Variants in NECTIN3 observed in about 807,000 individuals in gnomAD.
The protein encoded by NECTIN3 is nectin cell adhesion molecule 3.
NECTIN3 carries 8 observed loss-of-function variants against 49.4 expected under a neutral mutation model. The observed-to-expected ratio is 0.16, with a 90% CI of 0.10 to 0.29. The LOEUF (loss-of-function observed/expected upper bound fraction) is 0.29, where lower values mean the gene tolerates loss of function less well. Among genes scored for constraint, NECTIN3 ranks in the 10% least tolerant of loss-of-function variants. The pLI is 1.00. For missense variants in NECTIN3, 581 were observed against 654.6 expected, an observed-to-expected ratio of 0.89 and a Z score of 1.23; for synonymous variants, 277 against 241.1, an observed-to-expected ratio of 1.15 and a Z score of -1.38.
chr3:111,094,983 T>G (rs559786224), intron 1 of NECTIN3, among the ~76,000 whole-genome samples: 6 of 152,310 alleles, frequency 3.9e-5, no homozygotes, highest in Admixed American at 1.3e-4. Flanking sequence ...CAGTTATGAT[T>G]GCTATGTTAA....
intron 1 of NECTIN3, among the ~76,000 whole-genome samples, chr3:111,093,342 C>G (rs2107398186): frequency 6.6e-6 from 1 of 151,926 alleles, no homozygotes; most frequent in African/African-American, 2.4e-5. Flanking sequence ...GTGCACATTT[C>G]CATAGTGTGA....
Position 111,133,878 on chromosome 3 carries a change from A to G in NECTIN3, c.1313A>G (p.Tyr438Cys), listed in dbSNP as rs768505329. The G allele has an allele frequency of 1.5e-5, 24 of 1,613,998 alleles. No individual in the cohort carries two copies. The highest frequency in any genetic ancestry group is 1.9e-5 in the Non-Finnish European group (22 of 1,179,896). Residue 438 changes from tyrosine (Y) to cysteine (C), a missense_variant, in exon 6 of 6, where the codon TAC (tyrosine) becomes TGC (cysteine). Physicochemically the swap from Tyr to Cys is radical, Grantham distance 194. Transcript: ENST00000485303. ...AGAAGACGGACGTTTCGTGGAGACTACTTTGCCAAGAACTACATTCCACCA... is the reference window on the plus strand; with the variant it reads ...AGAAGACGGACGTTTCGTGGAGACTGCTTTGCCAAGAACTACATTCCACCA... ...YRRRRTFRGD[Y>C]FAKNYIPPSD...
chr3:111,153,773 A>G (rs1302070998), intron 7 of NECTIN3, among the ~76,000 whole-genome samples: 1 of 151,836 alleles, frequency 6.6e-6, no homozygotes, highest in Admixed American at 6.6e-5. Context: ...AAACTAGAAT[A>G]TATGGAGTCT....
rs892216700 is a variant in NECTIN3, at chr3:111,134,520, T to TA, written c.*306dup. The stretch of plus-strand genomic sequence containing the variant: ...AACATTAAATGTATGACTTACTTGG[T>TA]ACAAAAATTTTTTAAAAAGGGAACT... On this transcript the variant is annotated 3_prime_UTR_variant, in exon 6 of 6. Transcript: ENST00000485303. 9.9e-7 allele frequency: 1 copy of TA among 1,007,634 alleles called. No individual in the cohort carries two copies. The highest frequency in any genetic ancestry group is 1.7e-5 in the African/African-American group (1 of 58,088). 62.4% of individuals were successfully genotyped at this position (1,007,634 alleles called of 1,614,324 possible).
At chr3:111,165,565 G>T (rs146925089) in intron 7 of NECTIN3, among the ~76,000 whole-genome samples, 374 of 152,274 alleles carry the variant, frequency 2.5e-3, no homozygotes, top group African/African-American at 8.3e-3. Flanking sequence ...CCATACTGCC[G>T]GAGTACGGTA....
At chr3:111,178,881 T>G in intron 7 of NECTIN3, among the ~76,000 whole-genome samples, 1 of 152,224 alleles carries the variant, frequency 6.6e-6, no homozygotes, top group East Asian at 1.9e-4. Flanking sequence ...GCTCAATCAT[T>G]CTAGGCCTCA....
At chr3:111,176,518 C>T (rs1475352215) in intron 7 of NECTIN3, among the ~76,000 whole-genome samples, 1 of 152,104 alleles carries the variant, frequency 6.6e-6, no homozygotes, top group Non-Finnish European at 1.5e-5. Flanking sequence ...AATAAAACTG[C>T]ATTCTTTGGG....
At chr3:111,169,190 C>T (rs1054491333) in intron 7 of NECTIN3, among the ~76,000 whole-genome samples, 2 of 144,508 alleles carry the variant, frequency 1.4e-5, no homozygotes. Flanking sequence ...CGTGGGTTCA[C>T]GCCATTCTCC....
At chr3:111,082,637 T>C (rs549421255) in intron 1 of NECTIN3, among the ~76,000 whole-genome samples, 6 of 152,278 alleles carry the variant, frequency 3.9e-5, no homozygotes, top group African/African-American at 1.4e-4. Context: ...TCTCCAACTT[T>C]TTTGGCACCA....
Position 111,145,094 on chromosome 3 carries a change from A to C in NECTIN3, c.1139+57A>C, listed in dbSNP as rs1159610120. On this transcript the variant is annotated intron_variant, in intron 6 of 8. Coordinates refer to the NECTIN3 transcript ENST00000493615. ...GAATATCAGTATGTGTCCAATCTTTATGTTTACCTTTACAGCTCCTCATAA... is the reference window on the plus strand; with the variant it reads ...GAATATCAGTATGTGTCCAATCTTTCTGTTTACCTTTACAGCTCCTCATAA... 4 of 1,475,066 alleles carry C rather than the reference A, an allele frequency of 2.7e-6. No individual in the cohort carries two copies. The African/African-American group carries it at 5.6e-5, about 21-fold the overall frequency. 91.4% of individuals were successfully genotyped at this position (1,475,066 alleles called of 1,614,324 possible).
chr3:111,095,982 G>A (rs945281582), intron 1 of NECTIN3, among the ~76,000 whole-genome samples: 6 of 152,216 alleles, frequency 3.9e-5, no homozygotes, highest in African/African-American at 1.4e-4. Context: ...AAAGATGCCT[G>A]AACATGTGGA....
Position 111,135,090 on chromosome 3 carries a change from G to A in NECTIN3, c.*875G>A, listed in dbSNP as rs186400204. ...TGAAAAGACGCAGAGAGAGCATTTC[G>A]GAATACTGAAGTACTAGTTTTAGAA... On this transcript the variant is annotated 3_prime_UTR_variant, in exon 6 of 6. Transcript: ENST00000485303. 1,199 of 979,096 alleles carry A rather than the reference G, an allele frequency of 1.2e-3. 39 individuals carry two copies. In the South Asian group the frequency reaches 0.05, roughly 40 times the overall value. 60.7% of individuals were successfully genotyped at this position (979,096 alleles called of 1,614,324 possible). A position where few individuals can be genotyped will look rare whatever the true frequency, so the allele number is the denominator to read the frequency against.
At chr3:111,148,134 T>G (rs1251066166) in intron 7 of NECTIN3, among the ~76,000 whole-genome samples, 1 of 152,234 alleles carries the variant, frequency 6.6e-6, no homozygotes, top group Non-Finnish European at 1.5e-5. Context: ...TAAGCTGTAC[T>G]GGGGTTGTAT....
rs1432802601 is a variant in NECTIN3, at chr3:111,134,086, A to C, written c.1521A>C (p.Pro507=). The change falls in exon 6 of 6, where the codon CCA becomes CCC. Residue 507 remains proline (P), a synonymous_variant. Transcript: ENST00000485303. The part of the protein sequence containing the change: ...NVENLNRFER[P]MDYYEDLKMG... ...AAAATCTCAATAGGTTTGAAAGACCAATGGATTATTATGAAGATCTAAAAA... is the reference window on the plus strand; with the variant it reads ...AAAATCTCAATAGGTTTGAAAGACCCATGGATTATTATGAAGATCTAAAAA... The C allele has an allele frequency of 1.9e-6, 3 of 1,613,706 alleles. No homozygotes were observed. The highest frequency in any genetic ancestry group is 2.5e-6 in the Non-Finnish European group (3 of 1,179,724).
At chr3:111,088,780 A>C (rs1208521207) in intron 1 of NECTIN3, among the ~76,000 whole-genome samples, 1 of 152,142 alleles carries the variant, frequency 6.6e-6, no homozygotes, top group Non-Finnish European at 1.5e-5. Context: ...GCATTGGCCC[A>C]AAATTTTTCT....
chr3:111,153,591 ATTG>A (rs1213013146), intron 7 of NECTIN3, among the ~76,000 whole-genome samples: 1 of 152,002 alleles, frequency 6.6e-6, no homozygotes, highest in East Asian at 1.9e-4. Context: ...ATTTGCTGTT[ATTG>A]TTATTTAAAA....
chr3:111,171,915 G>T (rs1466946359), intron 7 of NECTIN3, among the ~76,000 whole-genome samples: 5 of 152,142 alleles, frequency 3.3e-5, no homozygotes, highest in African/African-American at 9.7e-5. Context: ...ATGAAATAAA[G>T]AAACATTGAG....
intron 4 of NECTIN3, among the ~76,000 whole-genome samples, chr3:111,124,158 A>G (rs1470964902): frequency 1.3e-5 from 2 of 152,264 alleles, no homozygotes; most frequent in East Asian, 1.9e-4. Flanking sequence ...GGAAGCAGTC[A>G]TTAGTTAAGA....
At chr3:111,083,128 G>C (rs914547411) in intron 1 of NECTIN3, among the ~76,000 whole-genome samples, 2 of 152,304 alleles carry the variant, frequency 1.3e-5, no homozygotes, top group South Asian at 2.1e-4. Context: ...GTGCGGTCCA[G>C]TTCCTGACAG....
Sources: allele counts gnomAD v4.1 joint callset (sites outside exome capture counted in the v4.1 genomes callset), GRCh38; gene constraint gnomAD v4.1.1; transcripts MANE v1.5; gene names NCBI Gene and HGNC (gene_info 2026-07-23, HGNC 2026-07-21).